The following FREM1 variants were observed in gnomAD, a reference collection of about 807,000 sequenced individuals.
The protein encoded by FREM1 is FRAS1-related extracellular matrix protein 1.
In FREM1, 220 loss-of-function variants were observed where a neutral mutation model predicts 210.1. The ratio of observed to expected loss-of-function variants is 1.05; its 90% CI spans 0.94 to 1.17. The LOEUF is 1.17. Among genes scored for constraint, FREM1 ranks in the 50% most tolerant of loss-of-function variants. FREM1 has a pLI of 0.00. For missense variants in FREM1, 3,454 were observed against 2,675.5 expected (o/e 1.29, Z -6.42); for synonymous variants, 1,189 against 980.2 (o/e 1.21, Z -3.98).
intron 3 of FREM1, among the ~76,000 whole-genome samples, chr9:14,860,659 A>ATATACACATGTATACATATATACACATG (rs1829768917): frequency 7.4e-6 from 1 of 135,094 alleles, no homozygotes; most frequent in African/African-American, 3.1e-5. Context: ...ATATACACAT[A>ATATACACATGTATACATATATACACATG]TATACATATA....
At chr9:14,872,102 G>T (rs1056348488) in intron 1 of FREM1, among the ~76,000 whole-genome samples, 5 of 152,218 alleles carry the variant, frequency 3.3e-5, no homozygotes, top group Non-Finnish European at 5.9e-5. Context: ...CAGGTAGCGT[G>T]ATGTCTCCAG....
intron 27 of FREM1, among the ~76,000 whole-genome samples, chr9:14,761,118 C>G (rs1320114838): frequency 6.6e-6 from 1 of 152,082 alleles, no homozygotes; most frequent in East Asian, 1.9e-4. Context: ...CCATATGGAA[C>G]ATGTGTTCAC....
chr9:14,886,408 A>AAC (rs1835826290), intron 1 of FREM1, among the ~76,000 whole-genome samples: 2 of 146,834 alleles, frequency 1.4e-5, no homozygotes. Flanking sequence ...AAAAAAAAAA[A>AAC]GGAAAAAGAA....
Position 14,756,329 on chromosome 9 carries a change from A to C in FREM1, c.5407+45T>G, listed in dbSNP as rs78753998. The C allele has an allele frequency of 4.5e-3, 6,443 of 1,441,302 alleles. 242 individuals carry two copies. The African/African-American group carries it at 0.08, about 18-fold the overall frequency. 89.3% of individuals were successfully genotyped at this position (1,441,302 alleles called of 1,614,324 possible). On this transcript the variant is annotated intron_variant, in intron 29 of 36. Coordinates refer to ENST00000380880, the MANE Select transcript of FREM1 (RefSeq NM_001379081.2). ...TCTCCAGACATGCCTACAAAAAAAAACAAAAAACAAAACACATAAAACAAA... is the reference window on the plus strand; with the variant it reads ...TCTCCAGACATGCCTACAAAAAAAACCAAAAAACAAAACACATAAAACAAA...
In FREM1 at chr9:14,877,810, G is replaced by A. The variant is rs962446040; in HGVS notation, c.-267-8566C>T. ...CAGCCTGGTGGCAACCTAAAGCAGA[G>A]AACCCAGCTAAGCCATAATCTGACC... On this transcript the variant is annotated intron_variant, in intron 1 of 36. Transcript: ENST00000380880. Among the ~76,000 whole-genome samples, 4 of 152,142 alleles carry A rather than the reference G, an allele frequency of 2.6e-5. No individual in the cohort carries two copies. The East Asian group carries it at 7.7e-4, about 29-fold the overall frequency.
At chr9:14,812,104 C>G (rs1310743272) in intron 16 of FREM1, among the ~76,000 whole-genome samples, 1 of 152,102 alleles carries the variant, frequency 6.6e-6, no homozygotes, top group Non-Finnish European at 1.5e-5. Flanking sequence ...TGGGTTTTGT[C>G]TACCCATTTA....
At chr9:14,777,984 T>C (rs533052542) in intron 24 of FREM1, among the ~76,000 whole-genome samples, 2 of 152,180 alleles carry the variant, frequency 1.3e-5, no homozygotes, top group Non-Finnish European at 2.9e-5. Flanking sequence ...AAAATATATC[T>C]GATTTGATGC....
At chr9:14,835,539 C>T (rs1448632526) in intron 10 of FREM1, among the ~76,000 whole-genome samples, 1 of 152,190 alleles carries the variant, frequency 6.6e-6, no homozygotes, top group African/African-American at 2.4e-5. Flanking sequence ...CTATACAGTT[C>T]CTAACCTGTG....
chr9:14,808,186 C>A, intron 16 of FREM1, 52 bp from the exon 17 acceptor site: 1 of 1,229,204 alleles, frequency 8.1e-7, no homozygotes, highest in Non-Finnish European at 1.1e-6. Context: ...TATAGAATAC[C>A]AAGATGAAAT....
chr9:14,871,855 G>C (rs111301582), intron 1 of FREM1, among the ~76,000 whole-genome samples: 5,071 of 152,146 alleles, frequency 0.033, 285 homozygotes, highest in African/African-American at 0.11. Context: ...GTGTAAGGAC[G>C]GGATCCAGTT....
intron 10 of FREM1, 121 bp downstream of exon 10, chr9:14,841,326 A>T: frequency 1.3e-6 from 1 of 769,278 alleles, no homozygotes; most frequent in Non-Finnish European, 1.9e-6. Context: ...AATTTTGTTT[A>T]ATCGATTGTT....
At chr9:14,862,298 T>C (rs1830732838) in intron 3 of FREM1, among the ~76,000 whole-genome samples, 1 of 152,228 alleles carries the variant, frequency 6.6e-6, no homozygotes, top group Non-Finnish European at 1.5e-5. Flanking sequence ...TGGTTCACTG[T>C]TCCAATGTCT....
intron 19 of FREM1, among the ~76,000 whole-genome samples, chr9:14,804,355 G>A (rs1347690682): frequency 6.6e-6 from 1 of 152,172 alleles, no homozygotes; most frequent in Non-Finnish European, 1.5e-5. Flanking sequence ...GAAGGCCGAG[G>A]CGGGCGGATC....
At chr9:14,801,246 T>C (rs373311109) in intron 20 of FREM1, among the ~76,000 whole-genome samples, 2 of 152,296 alleles carry the variant, frequency 1.3e-5, no homozygotes, top group African/African-American at 4.8e-5. Context: ...GATCCACCTG[T>C]CTTCGTCTCC....
chr9:14,746,505 C>T (rs1405637142), intron 34 of FREM1, 37 bp from the exon 35 acceptor site: 1 of 1,517,866 alleles, frequency 6.6e-7, no homozygotes, highest in East Asian at 2.3e-5. Flanking sequence ...TCATAATGGT[C>T]TTTACAATCT....
intron 24 of FREM1, among the ~76,000 whole-genome samples, chr9:14,778,975 G>A (rs1389744491): frequency 6.6e-6 from 1 of 152,176 alleles, no homozygotes; most frequent in East Asian, 1.9e-4. Context: ...AGTTTCAAAA[G>A]TAAACTGATA....
chr9:14,780,527 G>C (rs959643131), intron 24 of FREM1, among the ~76,000 whole-genome samples: 1 of 151,126 alleles, frequency 6.6e-6, no homozygotes, highest in Non-Finnish European at 1.5e-5. Context: ...AAGTCAGCTT[G>C]CTAATCACTC....
At chr9:14,839,146 C>T (rs1267735263) in intron 10 of FREM1, among the ~76,000 whole-genome samples, 2 of 151,888 alleles carry the variant, frequency 1.3e-5, no homozygotes, top group Admixed American at 6.6e-5. Flanking sequence ...ATAATCTAGC[C>T]CAGAAAAGAT....
chr9:14,871,136 G>T (rs1164435141), intron 1 of FREM1, among the ~76,000 whole-genome samples: 1 of 152,130 alleles, frequency 6.6e-6, no homozygotes, highest in African/African-American at 2.4e-5. Context: ...TGTCTTTATA[G>T]CAGCATGATT....
Sources: allele counts gnomAD v4.1 joint callset (sites outside exome capture counted in the v4.1 genomes callset), GRCh38; gene constraint gnomAD v4.1.1; transcripts MANE v1.5; gene names NCBI Gene and HGNC (gene_info 2026-07-23, HGNC 2026-07-21).